PRKG1: variants seen among roughly 807,000 people sequenced by gnomAD.
PRKG1 encodes the protein cGMP-dependent protein kinase 1.
PRKG1 carries 35 observed loss-of-function variants against 88.1 expected under a neutral mutation model. The ratio of observed to expected loss-of-function variants is 0.40; its 90% CI spans 0.30 to 0.53. The LOEUF (loss-of-function observed/expected upper bound fraction) is 0.53, where lower values mean the gene tolerates loss of function less well. Among genes scored for constraint, PRKG1 ranks in the 20% least tolerant of loss-of-function variants. The probability of loss-of-function intolerance (pLI) is 0.59; values close to 1 mark genes in which losing one functional copy is unlikely to be tolerated. For missense variants in PRKG1, 540 were observed against 839.8 expected (o/e 0.64, Z 4.41); for synonymous variants, 303 against 292.5 (o/e 1.04, Z -0.37).
chr10:51,744,134 G>A (rs1165809224), intron 3 of PRKG1, among the ~76,000 whole-genome samples: 1 of 151,982 alleles, frequency 6.6e-6, no homozygotes, highest in Non-Finnish European at 1.5e-5. Context: ...AATAGTAGTA[G>A]TAATAAACTA....
chr10:51,148,163 G>A (rs1301555820), intron 1 of PRKG1: 2 of 776,838 alleles, frequency 2.6e-6, no homozygotes, highest in Non-Finnish European at 3.1e-6. Flanking sequence ...AAGAGGCTCT[G>A]CAAGGAGTAT....
chr10:51,923,414 T>C (rs1842503785), intron 5 of PRKG1, among the ~76,000 whole-genome samples: 1 of 151,344 alleles, frequency 6.6e-6, no homozygotes, highest in South Asian at 2.1e-4. Context: ...TGAAATAATA[T>C]CTATCATATT....
chr10:51,449,032 A>G (rs1839354851), intron 2 of PRKG1, among the ~76,000 whole-genome samples: 1 of 152,032 alleles, frequency 6.6e-6, no homozygotes, highest in African/African-American at 2.4e-5. Context: ...ATGAATATAG[A>G]AATCTCTATA....
At chr10:51,264,530 C>T (rs192871624) in intron 2 of PRKG1, among the ~76,000 whole-genome samples, 26 of 152,198 alleles carry the variant, frequency 1.7e-4, no homozygotes, top group East Asian at 7.7e-4. Context: ...ATATGTATCA[C>T]GGTATTCTGT....
chr10:51,825,723 T>G (rs1839866369), intron 4 of PRKG1, among the ~76,000 whole-genome samples: 1 of 152,124 alleles, frequency 6.6e-6, no homozygotes, highest in Non-Finnish European at 1.5e-5. Context: ...CTATTAAAGG[T>G]ATTTGAGCAG....
Position 52,272,365 on chromosome 10 carries a change from C to A in PRKG1, c.1314-27C>A, listed in dbSNP as rs753082252. On this transcript the variant is annotated intron_variant, in intron 11 of 17. Coordinates refer to ENST00000373980, the MANE Select transcript of PRKG1 (RefSeq NM_006258.4). ...TGTAAAAGACAGTAATGTTTATAAT[C>A]TTTGTTTTCTTGTTTGCAATTTACA... 2.0e-6 allele frequency: 3 copies of A among 1,507,410 alleles called. No homozygotes were observed. In the African/African-American group the frequency reaches 4.2e-5, roughly 21 times the overall value. The allele number at this position is 1,507,410 out of a possible 1,614,324, so 93.4% of individuals were successfully genotyped here.
intron 12 of PRKG1, among the ~76,000 whole-genome samples, chr10:52,274,603 A>G (rs1022426513): frequency 6.6e-6 from 1 of 151,136 alleles, no homozygotes; most frequent in African/African-American, 2.4e-5. Flanking sequence ...TTATCCATTC[A>G]TTGATTGATG....
At chr10:51,148,429 A>G (rs1281547385) in intron 1 of PRKG1, among the ~76,000 whole-genome samples, 1 of 152,198 alleles carries the variant, frequency 6.6e-6, no homozygotes, top group African/African-American at 2.4e-5. Context: ...CTTAGCAATA[A>G]CTTAATAGCT....
chr10:51,408,656 G>A (rs1038728265), intron 2 of PRKG1, among the ~76,000 whole-genome samples: 3 of 152,208 alleles, frequency 2.0e-5, no homozygotes, highest in Non-Finnish European at 4.4e-5. Context: ...TGGGCACTCA[G>A]CAGTGGCCAT....
intron 9 of PRKG1, among the ~76,000 whole-genome samples, chr10:52,214,404 A>G (rs1190427592): frequency 6.6e-6 from 1 of 152,178 alleles, no homozygotes; most frequent in Non-Finnish European, 1.5e-5. Context: ...ACAAACTTTG[A>G]TATCACACAT....
At chr10:51,494,634 G>T (rs1441471929) in intron 3 of PRKG1, among the ~76,000 whole-genome samples, 1 of 152,186 alleles carries the variant, frequency 6.6e-6, no homozygotes, top group Admixed American at 6.5e-5. Flanking sequence ...TTACTCACTA[G>T]TTAATTGGAA....
At chr10:51,158,212 C>G (rs1428026536) in intron 2 of PRKG1, among the ~76,000 whole-genome samples, 1 of 151,782 alleles carries the variant, frequency 6.6e-6, no homozygotes, top group African/African-American at 2.4e-5. Flanking sequence ...ATTTTTAATT[C>G]TCATAATGAC....
intron 5 of PRKG1, among the ~76,000 whole-genome samples, chr10:51,999,640 C>T (rs1304659676): frequency 6.6e-6 from 1 of 151,970 alleles, no homozygotes; most frequent in African/African-American, 2.4e-5. Context: ...ACCATGGATA[C>T]ATAATTCTTT....
chr10:52,043,917 G>A (rs201257439), intron 5 of PRKG1, among the ~76,000 whole-genome samples: 126 of 133,818 alleles, frequency 9.4e-4, no homozygotes, highest in Middle Eastern at 7.7e-3. Flanking sequence ...GTTAAACATA[G>A]AAAAAAAAAA....
At chr10:51,089,852 C>G (rs1564595972) in intron 1 of PRKG1, among the ~76,000 whole-genome samples, 1 of 152,138 alleles carries the variant, frequency 6.6e-6, no homozygotes, top group African/African-American at 2.4e-5. Context: ...TTAAATGATA[C>G]CACTGTAAAC....
chr10:51,306,958 G>A (rs966238849), intron 2 of PRKG1, among the ~76,000 whole-genome samples: 2 of 152,092 alleles, frequency 1.3e-5, no homozygotes, highest in African/African-American at 2.4e-5. Context: ...TCTTTTGTCT[G>A]CTGTACCATC....
chr10:52,000,031 T>A (rs1419054250), intron 5 of PRKG1, among the ~76,000 whole-genome samples: 1 of 152,084 alleles, frequency 6.6e-6, no homozygotes, highest in African/African-American at 2.4e-5. Flanking sequence ...TCTGATTTTT[T>A]AATGCATTTT....
intron 3 of PRKG1, among the ~76,000 whole-genome samples, chr10:51,612,872 A>G (rs1170453435): frequency 6.6e-6 from 1 of 152,056 alleles, no homozygotes; most frequent in Non-Finnish European, 1.5e-5. Flanking sequence ...ATCTATTGAG[A>G]TGATCATATG....
At chr10:51,965,134 T>G (rs1019871157) in intron 5 of PRKG1, among the ~76,000 whole-genome samples, 4 of 152,176 alleles carry the variant, frequency 2.6e-5, no homozygotes, top group African/African-American at 9.6e-5. Flanking sequence ...GTTTGTTCCG[T>G]AGGTAAACTT....
Sources: allele counts gnomAD v4.1 joint callset (sites outside exome capture counted in the v4.1 genomes callset), GRCh38; gene constraint gnomAD v4.1.1; transcripts MANE v1.5; gene names NCBI Gene and HGNC (gene_info 2026-07-23, HGNC 2026-07-21).